Variants in CA10 observed in about 807,000 individuals in gnomAD.
CA10 encodes carbonic anhydrase-related protein 10.
CA10 carries 14 observed loss-of-function variants against 44.2 expected under a neutral mutation model. That is an observed-to-expected ratio of 0.32 (90% CI 0.21 to 0.50). The LOEUF (loss-of-function observed/expected upper bound fraction) is 0.50, where lower values mean the gene tolerates loss of function less well. Among genes scored for constraint, CA10 ranks in the 20% least tolerant of loss-of-function variants. CA10 has a pLI of 0.99. For synonymous variants in CA10, 159 were observed against 141.6 expected, an observed-to-expected ratio of 1.12 and a Z score of -0.87; for missense variants, 350 against 409.7, an observed-to-expected ratio of 0.85 and a Z score of 1.26.
intron 8 of CA10, among the ~76,000 whole-genome samples, 167 bp from the exon 9 acceptor site, chr17:51,631,773 GA>G (rs1912592352): frequency 6.6e-6 from 1 of 152,148 alleles, no homozygotes; most frequent in Non-Finnish European, 1.5e-5. Context: ...AATTCTCCAT[GA>G]CCTTCTAGGC....
Position 52,059,652 on chromosome 17 carries a change from C to G in CA10, c.136+12667G>C, listed in dbSNP as rs867803256. ...AAAACTGCACATTGTGCACATGTAC[C>G]CTAGAACTTAAAGTATAATAAAAAA... On this transcript the variant is annotated intron_variant, in intron 2 of 8. Coordinates refer to ENST00000451037, the MANE Select transcript of CA10 (RefSeq NM_020178.5). 2.0e-5 allele frequency among the ~76,000 whole-genome samples: 3 copies of G among 148,844 alleles called. No homozygotes were observed. In the Admixed American group the frequency reaches 2.1e-4, roughly 10 times the overall value.
intron 4 of CA10, among the ~76,000 whole-genome samples, chr17:51,741,284 A>G (rs1904451732): frequency 6.6e-6 from 1 of 152,136 alleles, no homozygotes; most frequent in South Asian, 2.1e-4. Context: ...TTAATTGTTC[A>G]ATCCTTTTGT....
At chr17:51,971,472 C>A (rs528841331) in intron 2 of CA10, among the ~76,000 whole-genome samples, 1 of 152,164 alleles carries the variant, frequency 6.6e-6, no homozygotes, top group African/African-American at 2.4e-5. Flanking sequence ...AAAGTCTAGG[C>A]TTTTCTTGTT....
chr17:51,672,787 G>A (rs1275254058), intron 4 of CA10, among the ~76,000 whole-genome samples: 1 of 152,154 alleles, frequency 6.6e-6, no homozygotes, highest in Non-Finnish European at 1.5e-5. Context: ...CTGCCCAGGG[G>A]AGCTGAATTG....
intron 5 of CA10, among the ~76,000 whole-genome samples, chr17:51,651,252 C>A (rs1913552762): frequency 6.6e-6 from 1 of 152,152 alleles, no homozygotes; most frequent in Admixed American, 6.5e-5. Flanking sequence ...GGACCAAGAG[C>A]TTTGTTCATC....
chr17:52,029,645 T>C (rs914702310), intron 2 of CA10, among the ~76,000 whole-genome samples: 17 of 152,204 alleles, frequency 1.1e-4, no homozygotes, highest in African/African-American at 3.9e-4. Flanking sequence ...CAGCGAGACA[T>C]AAAGTGCCTG....
chr17:52,146,296 A>G (rs543154357), intron 1 of CA10, among the ~76,000 whole-genome samples: 2 of 152,326 alleles, frequency 1.3e-5, no homozygotes, highest in East Asian at 3.9e-4. Flanking sequence ...ACTTTGGTTC[A>G]CGCCTGTAAT....
At chr17:51,706,486 G>A (rs560841997) in intron 4 of CA10, among the ~76,000 whole-genome samples, 3 of 152,314 alleles carry the variant, frequency 2.0e-5, no homozygotes, top group Non-Finnish European at 4.4e-5. Context: ...TGCTGCCACT[G>A]CCCTGGTTCA....
chr17:52,075,209 C>T (rs187552574), intron 1 of CA10, among the ~76,000 whole-genome samples: 256 of 152,166 alleles, frequency 1.7e-3, no homozygotes, highest in Non-Finnish European at 2.9e-3. Flanking sequence ...TAATGTAAAA[C>T]AAAATATTAT....
chr17:52,085,432 A>T (rs775807082), intron 1 of CA10, among the ~76,000 whole-genome samples: 1 of 152,164 alleles, frequency 6.6e-6, no homozygotes, highest in South Asian at 2.1e-4. Flanking sequence ...GAGTCTTCCT[A>T]TGAAGCTCAT....
intron 4 of CA10, among the ~76,000 whole-genome samples, chr17:51,716,486 A>AAC (rs1880977224): frequency 6.6e-6 from 1 of 151,980 alleles, no homozygotes; most frequent in African/African-American, 2.4e-5. Context: ...AAGAAGAGAA[A>AAC]AAATGCCAAG....
rs1989844820 is a variant in CA10, at chr17:52,157,939, C to T, written c.-153G>A. On this transcript the variant is annotated 5_prime_UTR_variant, in exon 1 of 9. Coordinates refer to ENST00000451037, the MANE Select transcript of CA10 (RefSeq NM_020178.5). ...ACAGCCGGCCAGGGACAGTCACCCC[C>T]AAGATCAATATCGCAGTTTGAATTG... The T allele has an allele frequency of 1.4e-6, 1 of 701,706 alleles. No homozygotes were observed. Among genetic ancestry groups the T allele is most frequent in the Admixed American group, 2.1e-5 (1 of 48,390 alleles). The allele number at this position is 701,706 out of a possible 1,614,324, so 43.5% of individuals were successfully genotyped here.
rs115319500 is a variant in CA10 at position 52,114,845 on chromosome 17, G to C, written c.62-42452C>G. Among the ~76,000 whole-genome samples, 408 of 152,212 alleles carry C rather than the reference G, an allele frequency of 2.7e-3. 1 individual carries two copies. Among genetic ancestry groups the C allele is most frequent in the African/African-American group, 9.3e-3 (387 of 41,522 alleles). On this transcript the variant is annotated intron_variant, in intron 1 of 8. Coordinates refer to ENST00000451037, the MANE Select transcript of CA10 (RefSeq NM_020178.5). Reference sequence around the variant, plus strand: ...GCTCCAGACTACCTGTGTTTCTCTGGAAAGAGCTATTAGTGTTGACCAATG... The same window carrying C: ...GCTCCAGACTACCTGTGTTTCTCTGCAAAGAGCTATTAGTGTTGACCAATG...
intron 2 of CA10, among the ~76,000 whole-genome samples, chr17:51,938,743 A>G (rs1982961877): frequency 6.6e-6 from 1 of 152,050 alleles, no homozygotes; most frequent in African/African-American, 2.4e-5. Context: ...GGAAGAGGGA[A>G]TTCTCTTTTG....
At chr17:52,113,812 A>T (rs1988835819) in intron 1 of CA10, among the ~76,000 whole-genome samples, 1 of 152,248 alleles carries the variant, frequency 6.6e-6, no homozygotes. Flanking sequence ...ACATTAATTA[A>T]CTAGCTTCCC....
intron 3 of CA10, among the ~76,000 whole-genome samples, chr17:51,792,130 G>A (rs144994599): frequency 3.9e-5 from 6 of 152,252 alleles, no homozygotes; most frequent in South Asian, 2.1e-4. Flanking sequence ...GCTATCACAG[G>A]TAATTCTCAT....
At chr17:51,866,695 T>A (rs535105570) in intron 3 of CA10, among the ~76,000 whole-genome samples, 2 of 152,308 alleles carry the variant, frequency 1.3e-5, no homozygotes, top group African/African-American at 4.8e-5. Context: ...TCCTTACCCT[T>A]CATTATACCA....
chr17:52,128,193 C>T (rs1989160550), intron 1 of CA10, among the ~76,000 whole-genome samples: 1 of 152,218 alleles, frequency 6.6e-6, no homozygotes, highest in Non-Finnish European at 1.5e-5. Context: ...CTGTTTATCT[C>T]TGCCTCCCTT....
intron 3 of CA10, among the ~76,000 whole-genome samples, chr17:51,764,451 C>T (rs1043425105): frequency 1.3e-5 from 2 of 152,226 alleles, no homozygotes; most frequent in African/African-American, 4.8e-5. Flanking sequence ...GGCTATGTGT[C>T]TCCTTCACCT....
Sources: gnomAD v4.1 joint callset for allele counts (sites outside exome capture counted in the v4.1 genomes callset) on GRCh38, gnomAD v4.1.1 for gene constraint, MANE v1.5 for transcripts, NCBI Gene and HGNC (gene_info 2026-07-23, HGNC 2026-07-21) for gene names.